SLC9A1: variants seen among roughly 807,000 people sequenced by gnomAD.
The protein encoded by SLC9A1 is solute carrier family 9 member A1.
A neutral mutation model predicts 67.9 loss-of-function variants in SLC9A1; 22 were observed. The observed-to-expected ratio is 0.32, with a 90% CI of 0.23 to 0.46. The LOEUF (loss-of-function observed/expected upper bound fraction) is 0.46, where lower values mean the gene tolerates loss of function less well. Among genes scored for constraint, SLC9A1 ranks in the 20% least tolerant of loss-of-function variants. The probability of loss-of-function intolerance (pLI) is 1.00; values close to 1 mark genes in which losing one functional copy is unlikely to be tolerated. For synonymous variants in SLC9A1, 421 were observed against 471.8 expected (o/e 0.89, Z 1.40); for missense variants, 686 against 1,094.8 (o/e 0.63, Z 5.27).
chr1:27,144,284 C>A (rs1319696146), intron 1 of SLC9A1, among the ~76,000 whole-genome samples: 2 of 152,200 alleles, frequency 1.3e-5, no homozygotes, highest in Non-Finnish European at 2.9e-5. Context: ...AATTAGGGCT[C>A]TCGGCAGCTC....
chr1:27,103,419 G>T, intron 5 of SLC9A1, 107 bp from the exon 6 acceptor site: 1 of 805,026 alleles, frequency 1.2e-6, no homozygotes, highest in South Asian at 1.3e-5. Context: ...TGCCCTCTCT[G>T]CTCTGCTCTC....
At chr1:27,144,218 TCA>T (rs1482019420) in intron 1 of SLC9A1, among the ~76,000 whole-genome samples, 3 of 152,344 alleles carry the variant, frequency 2.0e-5, no homozygotes, top group East Asian at 1.9e-4. Context: ...TCTCATTAAT[TCA>T]CAGTCACAGT....
chr1:27,151,037 A>T (rs992041510), intron 1 of SLC9A1, among the ~76,000 whole-genome samples: 1 of 152,074 alleles, frequency 6.6e-6, no homozygotes, highest in Non-Finnish European at 1.5e-5. Flanking sequence ...CCCCACCCTT[A>T]TCCCTACAAG....
intron 5 of SLC9A1, 116 bp from the exon 6 acceptor site, chr1:27,103,428 T>C: frequency 1.3e-6 from 1 of 781,090 alleles, no homozygotes; most frequent in Non-Finnish European, 2.3e-6. Flanking sequence ...TGCTCTGCTC[T>C]CTCCCAGGAC....
At chr1:27,126,348 C>G (rs367633532) in intron 1 of SLC9A1, among the ~76,000 whole-genome samples, 63 of 152,148 alleles carry the variant, frequency 4.1e-4, no homozygotes, top group African/African-American at 1.4e-3. Flanking sequence ...GGATGGATGA[C>G]TTTCTCTTAC....
chr1:27,119,314 A>G (rs972699796), intron 1 of SLC9A1, among the ~76,000 whole-genome samples: 2 of 152,022 alleles, frequency 1.3e-5, no homozygotes, highest in African/African-American at 4.8e-5. Context: ...CTGGGAAGTC[A>G]GAGGGGAGTG....
Position 27,101,710 on chromosome 1 carries a change from G to A in SLC9A1, c.2037+15C>T, listed in dbSNP as rs767430477. 1.3e-6 allele frequency: 2 copies of A among 1,577,964 alleles called. No individual in the cohort carries two copies. Among genetic ancestry groups the A allele is most frequent in the Non-Finnish European group, 1.7e-6 (2 of 1,150,148 alleles). On this transcript the variant is annotated intron_variant, in intron 10 of 11. Coordinates refer to ENST00000263980, the MANE Select transcript of SLC9A1 (RefSeq NM_003047.5). The surrounding 1 kb of genome is among the most constrained non-coding windows in gnomAD (Gnocchi z 4.9). ...TGGGGTGGGATACAGATTCCCAGAG[G>A]AAGGCAGAGGCTACCTTCTGCTCCA...
intron 1 of SLC9A1, among the ~76,000 whole-genome samples, chr1:27,120,735 T>C (rs1288733726): frequency 6.6e-6 from 1 of 151,298 alleles, no homozygotes; most frequent in African/African-American, 2.4e-5. Context: ...AAAATTCCAT[T>C]TCAAAAAAAA....
At chr1:27,102,224 C>CA in intron 8 of SLC9A1, 94 bp from the exon 9 acceptor site, 1 of 1,336,680 alleles carries the variant, frequency 7.5e-7, no homozygotes, top group Admixed American at 1.8e-5. Context: ...AGGGATGACC[C>CA]AGGTGGGCGC....
At chr1:27,144,268 T>G (rs771866516) in intron 1 of SLC9A1, among the ~76,000 whole-genome samples, 2 of 152,190 alleles carry the variant, frequency 1.3e-5, no homozygotes, top group African/African-American at 4.8e-5. Context: ...AGGAAAAGCT[T>G]AATTCAATTA....
rs1276607617 is a variant in SLC9A1, at chr1:27,154,148, C to T, written c.187G>A (p.Ala63Thr). Residue 63 changes from alanine (A) to threonine (T), a missense_variant, in exon 1 of 12, where the codon GCT becomes ACT. This residue lies in a region of SLC9A1 where 143 missense variants were observed against 166.7 expected (regional missense o/e 0.86). Transcript: ENST00000263980. ...CTCTCTGGGGTGACCTCCGGTGGAG[C>T]GGTGGTGACATCCCCAATCGAGCGT... ...RERSIGDVTT[A>T]PPEVTPESRP... 1.9e-6 allele frequency: 3 copies of T among 1,614,062 alleles called. No homozygotes were observed. Among genetic ancestry groups the T allele is most frequent in the Non-Finnish European group, 2.5e-6 (3 of 1,179,976 alleles).
intron 1 of SLC9A1, among the ~76,000 whole-genome samples, chr1:27,152,173 G>C (rs2083532940): frequency 6.6e-6 from 1 of 152,180 alleles, no homozygotes. Flanking sequence ...CACAGCACTT[G>C]GGTGGTGACA....
rs1036354685 is a variant in SLC9A1, at chr1:27,142,335, G to C, written c.352+11648C>G. 9.8e-5 allele frequency among the ~76,000 whole-genome samples: 15 copies of C among 152,306 alleles called. 1 individual carries two copies. Among genetic ancestry groups the C allele is most frequent in the Middle Eastern group, 6.8e-3 (2 of 294 alleles). On this transcript the variant is annotated intron_variant, in intron 1 of 11. Transcript: ENST00000263980. ...CCTCAACTGGAAAAACAGAGAACTTGATCAAAACATCTCCATTTCCCTTTG... is the reference window on the plus strand; with the variant it reads ...CCTCAACTGGAAAAACAGAGAACTTCATCAAAACATCTCCATTTCCCTTTG...
At chr1:27,135,534 A>AG (rs1008403976) in intron 1 of SLC9A1, among the ~76,000 whole-genome samples, 16 of 151,392 alleles carry the variant, frequency 1.1e-4, no homozygotes, top group African/African-American at 3.2e-4. Context: ...GGAAAAAAAA[A>AG]AAAAAAAAAA....
rs773926461 is a variant in SLC9A1 at position 27,109,808 on chromosome 1, A to G, written c.814-31T>C. 1 of 1,611,448 alleles carries G rather than the reference A, an allele frequency of 6.2e-7. No individual in the cohort carries two copies. Among genetic ancestry groups the G allele is most frequent in the Admixed American group, 1.7e-5 (1 of 59,946 alleles). On this transcript the variant is annotated intron_variant, in intron 2 of 11. Transcript: ENST00000263980. This position sits in a 1 kb window ranked among gnomAD's most constrained non-coding sequence, Gnocchi z 5.5. ...GAGGGTGTGCAGGCTGGTGGGTGGG[A>G]GGAGAGGGCCCTGGCCCCACGGTTC...
At chr1:27,153,236 G>T (rs1342201733) in intron 1 of SLC9A1, among the ~76,000 whole-genome samples, 1 of 152,084 alleles carries the variant, frequency 6.6e-6, no homozygotes, top group African/African-American at 2.4e-5. Flanking sequence ...GCAGCGACCT[G>T]GGGGTGAGCT....
Position 27,130,124 on chromosome 1 carries a change from A to G in SLC9A1, c.353-15838T>C, listed in dbSNP as rs575117116. Among the ~76,000 whole-genome samples, 166 of 152,300 alleles carry G rather than the reference A, an allele frequency of 1.1e-3. 1 individual carries two copies. The highest frequency in any genetic ancestry group is 3.8e-3 in the African/African-American group (159 of 41,570). Reference sequence around the variant, plus strand: ...TGTTTGTTTGTTTGTTTTTTGAGACAGAGTCTCATTCTGTCGCTCAGGCTG... The same window carrying G: ...TGTTTGTTTGTTTGTTTTTTGAGACGGAGTCTCATTCTGTCGCTCAGGCTG... On this transcript the variant is annotated intron_variant, in intron 1 of 11. Transcript: ENST00000263980.
At chr1:27,131,745 CAA>C (rs34967146) in intron 1 of SLC9A1, among the ~76,000 whole-genome samples, 8 of 97,760 alleles carry the variant, frequency 8.2e-5, no homozygotes, top group Admixed American at 1.2e-4. Context: ...GACTCTGTCT[CAA>C]AAAAAAAAAA....
Position 27,100,637 on chromosome 1 carries a change from C to A in SLC9A1, c.2118G>T (p.Leu706=). 1 of 1,605,040 alleles carries A rather than the reference C, an allele frequency of 6.2e-7. No homozygotes were observed. The highest frequency in any genetic ancestry group is 1.1e-5 in the South Asian group (1 of 89,520). Residue 706 remains leucine (L), a synonymous_variant, in exon 12 of 12, where the codon CTG becomes CTT. Transcript: ENST00000263980. This position sits in a 1 kb window ranked among gnomAD's most constrained non-coding sequence, Gnocchi z 5.6. ...GCAGGTCCTCCTTCGGCTCATAGGCCAGTGGGTCTGGGGACCAAGAGCAAG... is the reference window on the plus strand; with the variant it reads ...GCAGGTCCTCCTTCGGCTCATAGGCAAGTGGGTCTGGGGACCAAGAGCAAG... ...MSRARIGSDP[L]AYEPKEDLPV... is the part of the protein sequence containing the mutation.
Sources: gnomAD v4.1 joint callset for allele counts (sites outside exome capture counted in the v4.1 genomes callset) on GRCh38, gnomAD v4.1.1 for gene constraint, gnomAD v4.1.1 regional missense constraint, Gnocchi (gnomAD v3.1) non-coding constraint, MANE v1.5 for transcripts, NCBI Gene and HGNC (gene_info 2026-07-23, HGNC 2026-07-21) for gene names.